ABCE1: variants seen among roughly 807,000 people sequenced by gnomAD.
The protein encoded by ABCE1 is ATP binding cassette subfamily E member 1, also known as ATP-binding cassette sub-family E member 1.
ABCE1 carries 22 observed loss-of-function variants against 83.4 expected under a neutral mutation model. The ratio of observed to expected loss-of-function variants is 0.26; its 90% CI spans 0.19 to 0.38. The LOEUF (loss-of-function observed/expected upper bound fraction) is 0.38, where lower values mean the gene tolerates loss of function less well. Among genes scored for constraint, ABCE1 ranks in the 10% least tolerant of loss-of-function variants. The pLI, the probability that ABCE1 is intolerant of heterozygous loss-of-function variation, is 1.00. For missense variants in ABCE1, 330 were observed against 721.9 expected, an observed-to-expected ratio of 0.46 and a Z score of 6.22; for synonymous variants, 204 against 233.7, an observed-to-expected ratio of 0.87 and a Z score of 1.16.
chr4:145,120,462 T>C lies in ABCE1; in HGVS notation c.1144+309T>C, dbSNP rs546164108. Among the ~76,000 whole-genome samples the C allele has an allele frequency of 3.9e-5, 6 of 152,234 alleles. No individual in the cohort carries two copies. The South Asian group carries it at 1.2e-3, about 32-fold the overall frequency. On this transcript the variant is annotated intron_variant, in intron 11 of 17. Coordinates refer to ENST00000296577, the MANE Select transcript of ABCE1 (RefSeq NM_002940.3). ...TATTAATCTTATAAATTGACTAAGATGGAAAGGATAAATGGTGATTCAGAA... is the reference window on the plus strand; with the variant it reads ...TATTAATCTTATAAATTGACTAAGACGGAAAGGATAAATGGTGATTCAGAA...
chr4:145,119,169 C>CT (rs1156307351), intron 10 of ABCE1, among the ~76,000 whole-genome samples: 1 of 151,858 alleles, frequency 6.6e-6, no homozygotes, highest in East Asian at 1.9e-4. Flanking sequence ...TGATGTGTCT[C>CT]TCAGTTCCAA....
intron 9 of ABCE1, 33 bp downstream of exon 9, chr4:145,112,361 T>G: frequency 1.4e-6 from 2 of 1,401,948 alleles, no homozygotes; most frequent in East Asian, 2.3e-5. Flanking sequence ...ACTGTGTTGT[T>G]TTGTTTGGAG....
At chr4:145,127,398 G>A (rs966055630) in intron 17 of ABCE1, 128 bp from the exon 18 acceptor site, 4 of 738,976 alleles carry the variant, frequency 5.4e-6, no homozygotes, top group Non-Finnish European at 8.9e-6. Flanking sequence ...AGAAACAGAT[G>A]GTATGTGCAG....
rs751812300 is a variant in ABCE1 at position 145,121,333 on chromosome 4, G to C, written c.1205G>C (p.Gly402Ala). 1 of 1,613,158 alleles carries C rather than the reference G, an allele frequency of 6.2e-7. No individual in the cohort carries two copies. The highest frequency in any genetic ancestry group is 8.5e-7 in the Non-Finnish European group (1 of 1,179,498). The change falls in exon 13 of 18, where the codon GGA becomes GCA. Residue 402 changes from glycine to alanine, a missense_variant and splice_region_variant. Transcript: ENST00000296577. ...TCTTATGTATTTCATTATTTTGCAG[G>C]AGAAGTACCAGTTCTAAATGTCAGT... ...LAGRLKPDEG[G>A]EVPVLNVSYK...
chr4:145,112,175 G>C, intron 8 of ABCE1, 64 bp from the exon 9 acceptor site: 1 of 1,151,462 alleles, frequency 8.7e-7, no homozygotes, highest in Non-Finnish European at 1.2e-6. Context: ...CTTTAAAATA[G>C]TATGTAAGGT....
At chr4:145,099,231 C>A (rs578187435) in intron 1 of ABCE1, among the ~76,000 whole-genome samples, 10 of 152,304 alleles carry the variant, frequency 6.6e-5, no homozygotes, top group African/African-American at 2.2e-4. Flanking sequence ...GAATTCCCAC[C>A]TCCCATTAAC....
At chr4:145,112,763 G>T (rs557114855) in intron 9 of ABCE1, among the ~76,000 whole-genome samples, 38 of 152,216 alleles carry the variant, frequency 2.5e-4, no homozygotes, top group African/African-American at 8.7e-4. Context: ...TTCAAAATAC[G>T]CTGTGTTTAT....
chr4:145,123,604 A>C lies in ABCE1; in HGVS notation c.1640+4A>C, dbSNP rs1215283971. ...CTAAGAACACAGTTGCAAACAGGTA[A>C]AATTACTTTTTAATATGTTCAAAGT... On this transcript the variant is annotated splice_donor_region_variant and intron_variant, in intron 16 of 17. Transcript: ENST00000296577. 1.3e-6 allele frequency: 2 copies of C among 1,591,510 alleles called. No homozygotes were observed. The highest frequency in any genetic ancestry group is 4.5e-5 in the East Asian group (2 of 44,262).
Position 145,112,216 on chromosome 4 carries a change from CTTTT to C in ABCE1, c.711-9_711-6del, listed in dbSNP as rs4148239. The C allele has an allele frequency of 4.4e-4, 501 of 1,128,118 alleles. No individual in the cohort carries two copies. The highest frequency in any genetic ancestry group is 1.0e-3 in the Admixed American group (35 of 33,722). 69.9% of individuals were successfully genotyped at this position (1,128,118 alleles called of 1,614,324 possible). A position where few individuals can be genotyped will look rare whatever the true frequency, so the allele number is the denominator to read the frequency against. On this transcript the variant is annotated intron_variant, in intron 8 of 17. Coordinates refer to ENST00000296577, the MANE Select transcript of ABCE1 (RefSeq NM_002940.3). ...GTCTTGTCTTTCAAACTTATATTTG[CTTTT>C]TTTTTTTTTTTTTCATAGTTTCATG... is the stretch of plus-strand genomic sequence containing the variant.
intron 2 of ABCE1, 68 bp from the exon 3 acceptor site, chr4:145,105,537 T>A (rs1299137816): frequency 1.7e-6 from 2 of 1,148,698 alleles, no homozygotes; most frequent in Admixed American, 2.2e-5. Context: ...CAGCATTGCC[T>A]AAATAACAGT....
At chr4:145,116,400 G>A (rs1034956232) in intron 9 of ABCE1, among the ~76,000 whole-genome samples, 1 of 151,898 alleles carries the variant, frequency 6.6e-6, no homozygotes, top group Non-Finnish European at 1.5e-5. Context: ...ACAAGACATT[G>A]TTGAGAAGGA....
rs1456086324 is a variant in ABCE1 at position 145,128,174 on chromosome 4, TTTTAAACATG to T, written c.*606_*615del. 1 of 152,648 alleles carries T rather than the reference TTTTAAACATG, an allele frequency of 6.6e-6. No individual in the cohort carries two copies. The highest frequency in any genetic ancestry group is 2.4e-5 in the African/African-American group (1 of 41,458). The allele number at this position is 152,648 out of a possible 1,614,324, so 9.5% of individuals were successfully genotyped here. A position where few individuals can be genotyped will look rare whatever the true frequency, so the allele number is the denominator to read the frequency against. ...AATTGTTTTTAATCTTTTTTGGTGCTTTTAAACATGTTTAGCAAAAACCAATTCAGTTCCA... is the reference window on the plus strand; with the variant it reads ...AATTGTTTTTAATCTTTTTTGGTGCTTTTAGCAAAAACCAATTCAGTTCCA... On this transcript the variant is annotated 3_prime_UTR_variant, in exon 18 of 18. Coordinates refer to ENST00000296577, the MANE Select transcript of ABCE1 (RefSeq NM_002940.3).
At chr4:145,117,187 A>G (rs1364578257) in intron 9 of ABCE1, 106 bp from the exon 10 acceptor site, 9 of 929,622 alleles carry the variant, frequency 9.7e-6, no homozygotes, top group Non-Finnish European at 1.4e-5. Context: ...TTTGCTTCTT[A>G]TGTCTTTATG....
chr4:145,112,888 A>G (rs1215816561), intron 9 of ABCE1, among the ~76,000 whole-genome samples: 1 of 152,200 alleles, frequency 6.6e-6, no homozygotes, highest in African/African-American at 2.4e-5. Flanking sequence ...GCACAAGGTC[A>G]AAAATCTAGT....
chr4:145,112,213 T>C (rs1749497390), intron 8 of ABCE1, 26 bp from the exon 9 acceptor site: 1 of 1,445,332 alleles, frequency 6.9e-7, no homozygotes, highest in African/African-American at 1.6e-5. Flanking sequence ...AAACTTATAT[T>C]TGCTTTTTTT....
At chr4:145,110,885 A>T in intron 7 of ABCE1, 83 bp from the exon 8 acceptor site, 1 of 868,138 alleles carries the variant, frequency 1.2e-6, no homozygotes, top group Non-Finnish European at 1.8e-6. Context: ...ATAGCATTCA[A>T]ACTTCAAATG....
At chr4:145,104,653 G>A (rs958990339) in intron 2 of ABCE1, 138 bp downstream of exon 2, 75 of 543,226 alleles carry the variant, frequency 1.4e-4, no homozygotes, top group Admixed American at 4.7e-4. Flanking sequence ...AAGAAAAGTA[G>A]TTTGTTCTAA....
chr4:145,117,418 A>T lies in ABCE1; in HGVS notation c.922+4A>T. 1 of 1,608,736 alleles carries T rather than the reference A, an allele frequency of 6.2e-7. No homozygotes were observed. The highest frequency in any genetic ancestry group is 8.5e-7 in the Non-Finnish European group (1 of 1,177,142). On this transcript the variant is annotated splice_donor_region_variant and intron_variant, in intron 10 of 17. Coordinates refer to ENST00000296577, the MANE Select transcript of ABCE1 (RefSeq NM_002940.3). ...ATGCCTTTTAGTGTAAGAGAAGGTA[A>T]CTTGAAAAACTTTTTTCACATATGC...
chr4:145,112,651 G>A (rs1300178681), intron 9 of ABCE1, among the ~76,000 whole-genome samples: 3 of 151,970 alleles, frequency 2.0e-5, no homozygotes, highest in African/African-American at 7.3e-5. Flanking sequence ...CACAACACAC[G>A]CACGCACACG....
Sources: allele counts gnomAD v4.1 joint callset (sites outside exome capture counted in the v4.1 genomes callset), GRCh38; gene constraint gnomAD v4.1.1; transcripts MANE v1.5; gene names NCBI Gene and HGNC (gene_info 2026-07-23, HGNC 2026-07-21).